The following CSNK1G1 variants were observed in gnomAD, a reference collection of about 807,000 sequenced individuals.
CSNK1G1 encodes the protein casein kinase 1 gamma 1, also known as casein kinase I isoform gamma-1.
A neutral mutation model predicts 59.6 loss-of-function variants in CSNK1G1; 22 were observed. The ratio of observed to expected loss-of-function variants is 0.37; its 90% CI spans 0.26 to 0.53. The LOEUF (loss-of-function observed/expected upper bound fraction) is 0.53. Ranked by LOEUF, CSNK1G1 falls within the 20% of genes least tolerant of loss-of-function variation. CSNK1G1 has a pLI of 0.89. For missense variants in CSNK1G1, 384 were observed against 519.5 expected (o/e 0.74, Z 2.54); for synonymous variants, 179 against 177.1 (o/e 1.01, Z -0.08).
At chr15:64,249,790 T>C (rs960742787) in intron 4 of CSNK1G1, among the ~76,000 whole-genome samples, 3 of 152,224 alleles carry the variant, frequency 2.0e-5, no homozygotes, top group African/African-American at 4.8e-5. Context: ...TTTCTGTATT[T>C]GGGAAGAGTA....
intron 4 of CSNK1G1, among the ~76,000 whole-genome samples, chr15:64,245,897 A>C (rs150677201): frequency 0.014 from 2,187 of 152,318 alleles, 33 homozygotes; most frequent in Middle Eastern, 0.041. Context: ...TGAAAACTTA[A>C]AAAGTTGATC....
rs563869377 is a variant in CSNK1G1, at chr15:64,167,447, C to T, written c.*4484G>A. On this transcript the variant is annotated 3_prime_UTR_variant, in exon 12 of 12. Transcript: ENST00000303052. ...TGCCATCGACCTCTAGACAGGACTT[C>T]CCTGGAGTCTGCAAAAGCAAGAACC... 2 of 152,788 alleles carry T rather than the reference C, an allele frequency of 1.3e-5. No homozygotes were observed. The highest frequency in any genetic ancestry group is 1.3e-4 in the Admixed American group (2 of 15,306). 9.5% of individuals were successfully genotyped at this position (152,788 alleles called of 1,614,324 possible). A position where few individuals can be genotyped will look rare whatever the true frequency, so the allele number is the denominator to read the frequency against.
rs561687270 is a variant in CSNK1G1, at chr15:64,290,246, C to T, written c.181+10073G>A. ...AAGAAATCATTACATCAAAAAGACACCTGCATATGTTATGTTTATCGCCAA... is the reference window on the plus strand; with the variant it reads ...AAGAAATCATTACATCAAAAAGACATCTGCATATGTTATGTTTATCGCCAA... On this transcript the variant is annotated intron_variant, in intron 2 of 11. Coordinates refer to ENST00000303052, the MANE Select transcript of CSNK1G1 (RefSeq NM_022048.5). Among the ~76,000 whole-genome samples, 100 of 152,126 alleles carry T rather than the reference C, an allele frequency of 6.6e-4. 1 individual carries two copies. Among genetic ancestry groups the T allele is most frequent in the African/African-American group, 2.4e-3 (99 of 41,476 alleles).
chr15:64,185,764 T>C (rs909425914), intron 10 of CSNK1G1, among the ~76,000 whole-genome samples: 8 of 149,040 alleles, frequency 5.4e-5, no homozygotes, highest in African/African-American at 2.0e-4. Context: ...CTCTAGAGGC[T>C]GACAGGAGAA....
intron 10 of CSNK1G1, among the ~76,000 whole-genome samples, chr15:64,185,484 G>A (rs1235530992): frequency 6.6e-6 from 1 of 152,174 alleles, no homozygotes; most frequent in African/African-American, 2.4e-5. Flanking sequence ...CAAGGAAGCT[G>A]GTAAAACTTA....
At chr15:64,269,531 T>C (rs1249115787) in intron 2 of CSNK1G1, among the ~76,000 whole-genome samples, 1 of 149,422 alleles carries the variant, frequency 6.7e-6, no homozygotes, top group Admixed American at 6.8e-5. Context: ...TCTTGCTCTG[T>C]GGCCCAGGCT....
chr15:64,347,188 A>G (rs78834270), intron 1 of CSNK1G1, among the ~76,000 whole-genome samples: 5,814 of 152,288 alleles, frequency 0.038, 196 homozygotes, highest in Non-Finnish European at 0.055. Context: ...CTTGTTATTC[A>G]TTACTCGTAG....
chr15:64,203,694 T>TAAAAAAAAAAAAAAAAAAAAAAAA (rs531367701), intron 9 of CSNK1G1, among the ~76,000 whole-genome samples: 1 of 56,178 alleles, frequency 1.8e-5, no homozygotes, highest in African/African-American at 7.7e-5. Flanking sequence ...TGAAACTCCG[T>TAAAAAAAAAAAAAAAAAAAAAAAA]AAAAAAAAAA....
intron 3 of CSNK1G1, among the ~76,000 whole-genome samples, chr15:64,257,944 T>C (rs1371254513): frequency 6.6e-5 from 10 of 152,116 alleles, no homozygotes. Context: ...AAATACTTGG[T>C]TTCCTAGAAG....
chr15:64,240,876 GGAGAAA>G (rs2082684587), intron 4 of CSNK1G1, among the ~76,000 whole-genome samples: 1 of 151,770 alleles, frequency 6.6e-6, no homozygotes, highest in African/African-American at 2.4e-5. Flanking sequence ...GATACACAAA[GGAGAAA>G]GAGAAAAAGA....
chr15:64,286,338 T>TAACA (rs1199934590), intron 2 of CSNK1G1, among the ~76,000 whole-genome samples: 34 of 151,546 alleles, frequency 2.2e-4, no homozygotes, highest in African/African-American at 8.0e-4. Context: ...TAACATGTTA[T>TAACA]TGTTAACAAT....
intron 2 of CSNK1G1, among the ~76,000 whole-genome samples, chr15:64,268,356 G>A (rs1340351427): frequency 1.3e-5 from 2 of 152,114 alleles, no homozygotes; most frequent in Admixed American, 1.3e-4. Context: ...GTTTGTCAAT[G>A]GGTACAAAGT....
chr15:64,305,942 T>A (rs888410668), intron 1 of CSNK1G1, among the ~76,000 whole-genome samples: 10 of 151,912 alleles, frequency 6.6e-5, no homozygotes, highest in Admixed American at 5.9e-4. Context: ...TATTTGCAAA[T>A]AAAGAAAAAT....
At chr15:64,352,787 T>C (rs529286400) in intron 1 of CSNK1G1, among the ~76,000 whole-genome samples, 4 of 151,662 alleles carry the variant, frequency 2.6e-5, no homozygotes, top group South Asian at 2.1e-4. Context: ...GGGGAAGAAA[T>C]ATATTTGAAA....
At chr15:64,267,345 T>C (rs754332393) in intron 2 of CSNK1G1, among the ~76,000 whole-genome samples, 2 of 149,008 alleles carry the variant, frequency 1.3e-5, no homozygotes, top group Non-Finnish European at 3.0e-5. Context: ...TTATATCAAA[T>C]TTAAAAGTTT....
rs550962948 is a variant in CSNK1G1 at position 64,269,369 on chromosome 15, G to A, written c.182-10128C>T. ...TTGGACTTTGGAGCTCATTCTTGGT[G>A]TGTTCAGGAAATCAATTTCTTCCTT... On this transcript the variant is annotated intron_variant, in intron 2 of 11. Transcript: ENST00000303052. Among the ~76,000 whole-genome samples, 3 of 152,154 alleles carry A rather than the reference G, an allele frequency of 2.0e-5. No homozygotes were observed. In the South Asian group the frequency reaches 6.2e-4, roughly 32 times the overall value.
intron 2 of CSNK1G1, among the ~76,000 whole-genome samples, chr15:64,265,029 G>A (rs1053940162): frequency 6.6e-6 from 1 of 152,088 alleles, no homozygotes; most frequent in Non-Finnish European, 1.5e-5. Context: ...CCAGACCAAT[G>A]AGGCAAAAGA....
intron 1 of CSNK1G1, among the ~76,000 whole-genome samples, chr15:64,348,666 T>C (rs1187962109): frequency 1.3e-5 from 2 of 152,062 alleles, no homozygotes; most frequent in Non-Finnish European, 2.9e-5. Flanking sequence ...CTCTAGGAAA[T>C]GGAAAAGAAT....
At chr15:64,289,775 C>A (rs1484603042) in intron 2 of CSNK1G1, among the ~76,000 whole-genome samples, 4 of 151,920 alleles carry the variant, frequency 2.6e-5, no homozygotes, top group African/African-American at 7.3e-5. Context: ...TAACAAAAAA[C>A]CGTATAACCT....
Sources: gnomAD v4.1 joint callset for allele counts (sites outside exome capture counted in the v4.1 genomes callset) on GRCh38, gnomAD v4.1.1 for gene constraint, MANE v1.5 for transcripts, NCBI Gene and HGNC (gene_info 2026-07-23, HGNC 2026-07-21) for gene names.